DPP10: variants seen among roughly 807,000 people sequenced by gnomAD.
DPP10 encodes inactive dipeptidyl peptidase 10.
DPP10 carries 33 observed loss-of-function variants against 120.9 expected under a neutral mutation model. That is an observed-to-expected ratio of 0.27 (90% CI 0.21 to 0.37). The LOEUF (loss-of-function observed/expected upper bound fraction) is 0.37, where lower values mean the gene tolerates loss of function less well. DPP10 is among the 10% of genes least tolerant of loss of function. The probability of loss-of-function intolerance (pLI) is 1.00; values close to 1 mark genes in which losing one functional copy is unlikely to be tolerated. For synonymous variants in DPP10, 337 were observed against 326.1 expected (o/e 1.03, Z -0.36); for missense variants, 816 against 942.8 (o/e 0.87, Z 1.76).
intron 1 of DPP10, among the ~76,000 whole-genome samples, chr2:115,216,968 A>C (rs919376933): frequency 6.6e-6 from 1 of 152,018 alleles, no homozygotes; most frequent in African/African-American, 2.4e-5. Flanking sequence ...ATACACTACA[A>C]TTTTAAAAGA....
intron 1 of DPP10, among the ~76,000 whole-genome samples, chr2:115,119,429 C>G (rs111767738): frequency 2.4e-3 from 358 of 152,292 alleles, no homozygotes; most frequent in African/African-American, 8.1e-3. Context: ...ACCACTTGAT[C>G]ATCACCTGAT....
At chr2:115,704,345 T>C (rs1263590525) in intron 7 of DPP10, among the ~76,000 whole-genome samples, 4 of 151,960 alleles carry the variant, frequency 2.6e-5, no homozygotes, top group African/African-American at 9.7e-5. Context: ...ATAGTTCGCT[T>C]TTTGGGATTC....
intron 1 of DPP10, among the ~76,000 whole-genome samples, chr2:114,587,927 T>A (rs1691139006): frequency 6.6e-6 from 1 of 152,220 alleles, no homozygotes; most frequent in Non-Finnish European, 1.5e-5. Flanking sequence ...ACATATTGAT[T>A]TATTACATGA....
intron 1 of DPP10, among the ~76,000 whole-genome samples, chr2:115,162,457 C>T (rs1320202487): frequency 3.3e-5 from 5 of 152,200 alleles, no homozygotes; most frequent in Non-Finnish European, 7.3e-5. Flanking sequence ...CGCTCGCTGG[C>T]CAAAGCGACC....
chr2:115,558,771 A>G (rs2080377331), intron 5 of DPP10, among the ~76,000 whole-genome samples: 1 of 152,214 alleles, frequency 6.6e-6, no homozygotes, highest in African/African-American at 2.4e-5. Context: ...TGAGGCATCA[A>G]CAAATAGGTA....
chr2:115,302,019 G>A (rs2061160630), intron 1 of DPP10, among the ~76,000 whole-genome samples: 1 of 151,982 alleles, frequency 6.6e-6, no homozygotes, highest in African/African-American at 2.4e-5. Flanking sequence ...AGTTCCACAG[G>A]CTTAACAGGA....
At chr2:114,687,071 A>G (rs1699419947) in intron 1 of DPP10, among the ~76,000 whole-genome samples, 2 of 152,004 alleles carry the variant, frequency 1.3e-5, no homozygotes, top group Non-Finnish European at 2.9e-5. Flanking sequence ...AGCTATAAAA[A>G]TTCCCACGTA....
At chr2:115,562,414 T>C (rs2080747417) in intron 5 of DPP10, among the ~76,000 whole-genome samples, 1 of 152,198 alleles carries the variant, frequency 6.6e-6, no homozygotes, top group Non-Finnish European at 1.5e-5. Context: ...GTTGAGACCA[T>C]ATGCTTTTTC....
chr2:115,449,746 G>C (rs697826), intron 3 of DPP10, among the ~76,000 whole-genome samples: 76,801 of 152,008 alleles, frequency 0.51, 22,449 homozygotes, highest in Non-Finnish European at 0.67. Flanking sequence ...CCACACTGCT[G>C]TAAAGGTGAA....
At chr2:114,535,071 A>T (rs1573591524) in intron 1 of DPP10, among the ~76,000 whole-genome samples, 1 of 135,570 alleles carries the variant, frequency 7.4e-6, no homozygotes, top group African/African-American at 2.8e-5. Flanking sequence ...CTTTCTTCCC[A>T]TTTGCAAGAG....
At chr2:115,378,691 G>C (rs1236802517) in intron 3 of DPP10, among the ~76,000 whole-genome samples, 1 of 151,978 alleles carries the variant, frequency 6.6e-6, no homozygotes, top group African/African-American at 2.4e-5. Flanking sequence ...CTGTGGGTTT[G>C]TCATAGATAG....
At chr2:114,726,160 C>T (rs1702033986) in intron 1 of DPP10, among the ~76,000 whole-genome samples, 3 of 151,380 alleles carry the variant, frequency 2.0e-5, no homozygotes, top group Middle Eastern at 3.4e-3. Context: ...GGCGTGAACC[C>T]GGGAGGCGGA....
At chr2:115,219,661 A>C (rs1169511002) in intron 1 of DPP10, among the ~76,000 whole-genome samples, 1 of 152,190 alleles carries the variant, frequency 6.6e-6, no homozygotes, top group Non-Finnish European at 1.5e-5. Flanking sequence ...CTAAATTCTC[A>C]ATATAAAGAT....
intron 1 of DPP10, among the ~76,000 whole-genome samples, chr2:114,857,165 C>T (rs927747440): frequency 5.3e-5 from 8 of 152,124 alleles, no homozygotes; most frequent in Admixed American, 4.6e-4. Context: ...TGTTAATAGA[C>T]ATGAATTTAG....
chr2:115,668,812 G>A (rs191914102), intron 5 of DPP10, among the ~76,000 whole-genome samples: 19 of 152,234 alleles, frequency 1.2e-4, no homozygotes, highest in Non-Finnish European at 2.6e-4. Flanking sequence ...TTCTAGCCTA[G>A]TGTTGGCAGA....
chr2:114,903,645 A>G (rs1469659135), intron 1 of DPP10, among the ~76,000 whole-genome samples: 10 of 152,160 alleles, frequency 6.6e-5, no homozygotes, highest in African/African-American at 2.4e-4. Context: ...GAGAATTGTG[A>G]CCTTTGTCTC....
At chr2:115,042,088 T>C (rs534835469) in intron 1 of DPP10, among the ~76,000 whole-genome samples, 1 of 151,682 alleles carries the variant, frequency 6.6e-6, no homozygotes, top group South Asian at 2.1e-4. Flanking sequence ...AAATTTAGGT[T>C]TGAATTCAAG....
At chr2:114,695,344 G>T (rs745438368) in intron 1 of DPP10, among the ~76,000 whole-genome samples, 11 of 152,056 alleles carry the variant, frequency 7.2e-5, no homozygotes, top group Non-Finnish European at 1.3e-4. Flanking sequence ...ATGCCATGCA[G>T]ATCTAGAGCG....
chr2:115,135,571 T>G (rs186922466), intron 1 of DPP10, among the ~76,000 whole-genome samples: 6 of 152,258 alleles, frequency 3.9e-5, no homozygotes, highest in African/African-American at 1.4e-4. Flanking sequence ...TAATTTTAAA[T>G]GGAACATTTT....
Sources: allele counts gnomAD v4.1 joint callset (sites outside exome capture counted in the v4.1 genomes callset), GRCh38; gene constraint gnomAD v4.1.1; transcripts MANE v1.5; gene names NCBI Gene and HGNC (gene_info 2026-07-23, HGNC 2026-07-21).